RAB3GAP1: variants seen among roughly 807,000 people sequenced by gnomAD.
The protein encoded by RAB3GAP1 is RAB3 GTPase activating protein catalytic subunit 1.
In RAB3GAP1, 86 loss-of-function variants were observed where a neutral mutation model predicts 130.7. The ratio of observed to expected loss-of-function variants is 0.66; its 90% confidence interval spans 0.55 to 0.79. The LOEUF is 0.79. Ranked by LOEUF, RAB3GAP1 falls within the 30% of genes least tolerant of loss-of-function variation. RAB3GAP1 has a pLI of 0.00. For synonymous variants in RAB3GAP1, 367 were observed against 401.7 expected (o/e 0.91, Z 1.03); for missense variants, 1,029 against 1,169.4 (o/e 0.88, Z 1.75).
At chr2:135,099,583 G>C (rs1690396419) in intron 5 of RAB3GAP1, among the ~76,000 whole-genome samples, 2 of 151,960 alleles carry the variant, frequency 1.3e-5, no homozygotes, top group Admixed American at 6.6e-5. Context: ...TTTGGTATCA[G>C]AGTAATGTTG....
intron 5 of RAB3GAP1, among the ~76,000 whole-genome samples, chr2:135,111,802 T>A (rs540701058): frequency 6.6e-6 from 1 of 152,340 alleles, no homozygotes; most frequent in African/African-American, 2.4e-5. Context: ...TCTTTATACT[T>A]AAAATGTGCA....
intron 19 of RAB3GAP1, among the ~76,000 whole-genome samples, chr2:135,157,975 G>T (rs1692362040): frequency 6.6e-6 from 1 of 152,088 alleles, no homozygotes; most frequent in Admixed American, 6.5e-5. Flanking sequence ...TATGTTGGTG[G>T]TGTTGGAAGC....
chr2:135,146,632 C>T lies in RAB3GAP1; in HGVS notation c.1924-3737C>T, dbSNP rs139392746. ...AATATCCTGCATCACCATTTATTAA[C>T]AGCATTGCTAATACAAGCTATGTTT... On this transcript the variant is annotated intron_variant, in intron 17 of 23. Coordinates refer to ENST00000264158, the MANE Select transcript of RAB3GAP1 (RefSeq NM_012233.3). Among the ~76,000 whole-genome samples the T allele has an allele frequency of 7.9e-5, 12 of 152,308 alleles. No individual in the cohort carries two copies. In the East Asian group the frequency reaches 2.3e-3, roughly 29 times the overall value.
chr2:135,070,051 C>T (rs1050464990), intron 3 of RAB3GAP1, among the ~76,000 whole-genome samples: 3 of 152,200 alleles, frequency 2.0e-5, no homozygotes, highest in East Asian at 1.9e-4. Flanking sequence ...AAATGCCATA[C>T]GATGGGTATT....
chr2:135,091,178 G>T (rs370875460), intron 4 of RAB3GAP1, 48 bp downstream of exon 4: 7 of 1,490,390 alleles, frequency 4.7e-6, no homozygotes, highest in Non-Finnish European at 5.6e-6. Flanking sequence ...TGTAGGAGTG[G>T]CTGTAATTTT....
At chr2:135,099,322 AT>A (rs1164264914) in intron 5 of RAB3GAP1, among the ~76,000 whole-genome samples, 1 of 151,450 alleles carries the variant, frequency 6.6e-6, no homozygotes, top group Non-Finnish European at 1.5e-5. Flanking sequence ...GATATGATTT[AT>A]TTTCTTTAGA....
intron 22 of RAB3GAP1, 86 bp downstream of exon 22, chr2:135,163,187 C>A (rs995203497): frequency 4.9e-5 from 43 of 880,208 alleles, no homozygotes; most frequent in South Asian, 1.9e-4. Flanking sequence ...GATATTAAGA[C>A]TCTTTTGTGG....
At chr2:135,141,889 T>C (rs1691852249) in intron 17 of RAB3GAP1, among the ~76,000 whole-genome samples, 3 of 152,122 alleles carry the variant, frequency 2.0e-5, no homozygotes, top group Admixed American at 2.0e-4. Context: ...TCTGGACTAT[T>C]TATTCTGTTC....
In RAB3GAP1 at chr2:135,130,173, C is replaced by T; in HGVS notation, c.1066+86C>T. 1.5e-5 allele frequency: 17 copies of T among 1,137,452 alleles called. No individual in the cohort carries two copies. The South Asian group carries it at 2.2e-4, about 15-fold the overall frequency. 70.5% of individuals were successfully genotyped at this position (1,137,452 alleles called of 1,614,324 possible). A position where few individuals can be genotyped will look rare whatever the true frequency, so the allele number is the denominator to read the frequency against. ...TTTTCAGCAACTTTTCATCTGTTTT[C>T]TCATTTTGAATTAAGTTGGATAATC... On this transcript the variant is annotated intron_variant, in intron 12 of 23. Coordinates refer to ENST00000264158, the MANE Select transcript of RAB3GAP1 (RefSeq NM_012233.3).
intron 18 of RAB3GAP1, chr2:135,153,132 C>T (rs1471322758): frequency 6.3e-6 from 1 of 157,642 alleles, no homozygotes; most frequent in Non-Finnish European, 1.4e-5. Flanking sequence ...ATTGCAGAAC[C>T]AGTATTGATT....
At position 135,168,799 on chromosome 2, in the gene RAB3GAP1, GT is replaced by G; in HGVS notation, c.*20del. On this transcript the variant is annotated 3_prime_UTR_variant, in exon 24 of 24. Coordinates refer to ENST00000264158, the MANE Select transcript of RAB3GAP1 (RefSeq NM_012233.3). ...TCTTCTGATTCTTCTAGCATTACTC[GT>G]TGGTGGCTTCAGAGACAGTGCTGCC... The G allele has an allele frequency of 6.2e-7, 1 of 1,602,470 alleles. No individual in the cohort carries two copies. Among genetic ancestry groups the G allele is most frequent in the Non-Finnish European group, 8.6e-7 (1 of 1,169,502 alleles).
At chr2:135,105,431 A>G (rs1690571428) in intron 5 of RAB3GAP1, among the ~76,000 whole-genome samples, 1 of 151,032 alleles carries the variant, frequency 6.6e-6, no homozygotes, top group African/African-American at 2.4e-5. Flanking sequence ...ACGGGGTTTC[A>G]CTCTGTTGGC....
At chr2:135,151,054 T>C (rs1692160039) in intron 18 of RAB3GAP1, among the ~76,000 whole-genome samples, 1 of 152,190 alleles carries the variant, frequency 6.6e-6, no homozygotes, top group Non-Finnish European at 1.5e-5. Flanking sequence ...TTCAGATGAG[T>C]AGGCATTTGC....
chr2:135,058,301 G>A, intron 3 of RAB3GAP1: 4 of 486,304 alleles, frequency 8.2e-6, no homozygotes, highest in South Asian at 2.3e-5. Context: ...TTATATATAT[G>A]TGTGTGTGTA....
intron 2 of RAB3GAP1, among the ~76,000 whole-genome samples, chr2:135,055,487 G>C (rs1032348154): frequency 6.6e-6 from 1 of 152,070 alleles, no homozygotes; most frequent in African/African-American, 2.4e-5. Flanking sequence ...AGAGGAGCTG[G>C]GGCAGCATGG....
chr2:135,160,605 C>T (rs1170893124), intron 19 of RAB3GAP1, among the ~76,000 whole-genome samples: 2 of 129,848 alleles, frequency 1.5e-5, no homozygotes, highest in East Asian at 2.6e-4. Context: ...GCCTGGGAGG[C>T]GGAGGTTGTG....
chr2:135,133,596 C>G (rs1691605774), intron 14 of RAB3GAP1, among the ~76,000 whole-genome samples: 1 of 152,014 alleles, frequency 6.6e-6, no homozygotes, highest in African/African-American at 2.4e-5. Context: ...GGAATACTTC[C>G]TAAATATTCC....
intron 19 of RAB3GAP1, among the ~76,000 whole-genome samples, chr2:135,155,238 G>T (rs1692277962): frequency 6.6e-6 from 1 of 151,610 alleles, no homozygotes; most frequent in Non-Finnish European, 1.5e-5. Flanking sequence ...AAAGAAAAAA[G>T]AAAACCATAT....
chr2:135,069,035 C>T (rs1416393092), intron 3 of RAB3GAP1, among the ~76,000 whole-genome samples: 1 of 152,226 alleles, frequency 6.6e-6, no homozygotes, highest in Non-Finnish European at 1.5e-5. Flanking sequence ...ATCTCTATTG[C>T]TGTGACTCTT....
Sources: allele counts gnomAD v4.1 joint callset (sites outside exome capture counted in the v4.1 genomes callset), GRCh38; gene constraint gnomAD v4.1.1; transcripts MANE v1.5; gene names NCBI Gene and HGNC (gene_info 2026-07-23, HGNC 2026-07-21).